TBC1D8: variants seen among roughly 807,000 people sequenced by gnomAD.
The protein encoded by TBC1D8 is BUB2-like protein 1.
A neutral mutation model predicts 118.8 loss-of-function variants in TBC1D8; 65 were observed. That is an observed-to-expected ratio of 0.55 (90% CI 0.45 to 0.67). The LOEUF is 0.67. Among genes scored for constraint, TBC1D8 ranks in the 30% least tolerant of loss-of-function variants. TBC1D8 has a pLI of 0.00. For synonymous variants in TBC1D8, 566 were observed against 595.8 expected, an observed-to-expected ratio of 0.95 and a Z score of 0.73; for missense variants, 1,376 against 1,471.2, an observed-to-expected ratio of 0.94 and a Z score of 1.06.
At chr2:101,008,806 T>C (rs1022852477) in intron 19 of TBC1D8, among the ~76,000 whole-genome samples, 6 of 144,428 alleles carry the variant, frequency 4.2e-5, no homozygotes, top group African/African-American at 1.0e-4. Flanking sequence ...AGTAAAACTT[T>C]GTCTTAAAAA....
At chr2:101,057,188 G>A (rs1331134251) in intron 3 of TBC1D8, among the ~76,000 whole-genome samples, 1 of 152,090 alleles carries the variant, frequency 6.6e-6, no homozygotes, top group Non-Finnish European at 1.5e-5. Flanking sequence ...CTAAAAACAG[G>A]ACCTGTTTTT....
At chr2:101,052,479 CTTTT>C (rs3043690) in intron 4 of TBC1D8, among the ~76,000 whole-genome samples, 1 of 138,822 alleles carries the variant, frequency 7.2e-6, no homozygotes, top group Non-Finnish European at 1.5e-5. Context: ...TTTCCTAAAT[CTTTT>C]TTTTTTTTTT....
intron 1 of TBC1D8, among the ~76,000 whole-genome samples, chr2:101,118,311 G>A (rs1677923223): frequency 6.6e-6 from 1 of 152,190 alleles, no homozygotes; most frequent in Non-Finnish European, 1.5e-5. Flanking sequence ...CTGGGCAAGA[G>A]AAAGGAATAA....
chr2:101,066,766 G>A (rs961081806), intron 2 of TBC1D8, among the ~76,000 whole-genome samples: 3 of 151,936 alleles, frequency 2.0e-5, no homozygotes, highest in Admixed American at 6.6e-5. Flanking sequence ...CCAACGTGGC[G>A]AAACCCCGTC....
At chr2:101,107,055 T>C (rs1023023356) in intron 1 of TBC1D8, among the ~76,000 whole-genome samples, 3 of 152,156 alleles carry the variant, frequency 2.0e-5, no homozygotes, top group Non-Finnish European at 2.9e-5. Flanking sequence ...AACCCCATCG[T>C]AAGCTAAGGA....
intron 1 of TBC1D8, among the ~76,000 whole-genome samples, chr2:101,103,897 A>G (rs1401111068): frequency 6.6e-6 from 1 of 152,106 alleles, no homozygotes; most frequent in Non-Finnish European, 1.5e-5. Flanking sequence ...GAGAGAGAAG[A>G]AAAAAACAAA....
chr2:101,097,155 G>T (rs559492425), intron 1 of TBC1D8, among the ~76,000 whole-genome samples: 3 of 152,138 alleles, frequency 2.0e-5, no homozygotes, highest in African/African-American at 7.2e-5. Context: ...CTGCGAACAA[G>T]AGAGTGGGGT....
At chr2:101,032,873 C>T (rs1033049523) in intron 10 of TBC1D8, 4 of 162,670 alleles carry the variant, frequency 2.5e-5, no homozygotes, top group Admixed American at 2.3e-4. Flanking sequence ...CTGACCACAC[C>T]CTCAGCTCGG....
intron 1 of TBC1D8, among the ~76,000 whole-genome samples, chr2:101,120,397 T>C (rs1211874890): frequency 3.3e-5 from 5 of 152,166 alleles, no homozygotes; most frequent in Non-Finnish European, 5.9e-5. Context: ...GAAATCCCAA[T>C]GTTAGAGATG....
intron 10 of TBC1D8, 117 bp downstream of exon 10, chr2:101,033,427 C>A (rs187572593): frequency 3.3e-6 from 4 of 1,220,080 alleles, no homozygotes; most frequent in South Asian, 2.5e-5. Context: ...CCGAGTACAG[C>A]GCCTTCACAC....
chr2:101,015,139 A>G (rs62152951), intron 17 of TBC1D8, among the ~76,000 whole-genome samples: 28,564 of 152,204 alleles, frequency 0.19, 2,887 homozygotes, highest in Middle Eastern at 0.32. Flanking sequence ...AAACCTGTAC[A>G]GCATGTTACT....
At chr2:101,135,300 T>C (rs1006878708) in intron 1 of TBC1D8, among the ~76,000 whole-genome samples, 4 of 152,200 alleles carry the variant, frequency 2.6e-5, no homozygotes, top group African/African-American at 9.7e-5. Context: ...TCTAAATGTT[T>C]TATTTGGCTA....
intron 18 of TBC1D8, 113 bp from the exon 19 acceptor site, chr2:101,011,139 T>G (rs1363253149): frequency 9.7e-7 from 1 of 1,028,110 alleles, no homozygotes; most frequent in African/African-American, 1.6e-5. Flanking sequence ...CTAAGCAAAT[T>G]CCATACAAAA....
At chr2:101,056,041 CTTT>C (rs113118928) in intron 3 of TBC1D8, among the ~76,000 whole-genome samples, 1 of 142,644 alleles carries the variant, frequency 7.0e-6, no homozygotes, top group Non-Finnish European at 1.5e-5. Context: ...TAACATTTCT[CTTT>C]TTTTTTTTTT....
At chr2:101,090,426 T>C (rs1675959732) in intron 1 of TBC1D8, 62 bp from the exon 2 acceptor site, 1 of 1,568,702 alleles carries the variant, frequency 6.4e-7, no homozygotes, top group South Asian at 1.1e-5. Context: ...TCCTCATGCG[T>C]GTGAGGCATG....
chr2:101,020,390 A>C (rs750860805), intron 17 of TBC1D8, among the ~76,000 whole-genome samples: 1 of 152,236 alleles, frequency 6.6e-6, no homozygotes, highest in Non-Finnish European at 1.5e-5. Flanking sequence ...GTTAATAGAA[A>C]AACATTTGTG....
chr2:101,071,234 A>G (rs765137834), intron 2 of TBC1D8, among the ~76,000 whole-genome samples: 4 of 151,998 alleles, frequency 2.6e-5, no homozygotes, highest in Non-Finnish European at 5.9e-5. Context: ...AGTCCCAGCT[A>G]CTCGGGAGGC....
chr2:101,107,475 CT>C (rs1234556576), intron 1 of TBC1D8, among the ~76,000 whole-genome samples: 2 of 152,010 alleles, frequency 1.3e-5, no homozygotes, highest in Admixed American at 1.3e-4. Context: ...GATATATATC[CT>C]AGAGGTTCTG....
Position 101,007,581 on chromosome 2 carries a change from G to C in TBC1D8, c.*240C>G. ...AGAAGTGCCCATTTCAGCAAATCCG[G>C]TAAAAATTGTAAGTTGGCATCAAGG... is the stretch of plus-strand genomic sequence containing the variant. On this transcript the variant is annotated 3_prime_UTR_variant, in exon 20 of 20. Transcript: ENST00000409318. The C allele has an allele frequency of 2.0e-6, 1 of 508,772 alleles. No homozygotes were observed. Among genetic ancestry groups the C allele is most frequent in the Non-Finnish European group, 3.5e-6 (1 of 286,970 alleles). 31.5% of individuals were successfully genotyped at this position (508,772 alleles called of 1,614,324 possible).
Sources: allele counts gnomAD v4.1 joint callset (sites outside exome capture counted in the v4.1 genomes callset), GRCh38; gene constraint gnomAD v4.1.1; transcripts MANE v1.5; gene names NCBI Gene and HGNC (gene_info 2026-07-23, HGNC 2026-07-21).